Variants in DENND2C observed in about 807,000 individuals in gnomAD.
The protein encoded by DENND2C is DENN domain containing 2C, also known as DENN domain-containing protein 2C.
A neutral mutation model predicts 112.4 loss-of-function variants in DENND2C; 72 were observed. The observed-to-expected ratio is 0.64, with a 90% CI of 0.53 to 0.78. The LOEUF (loss-of-function observed/expected upper bound fraction) is 0.78. DENND2C is among the 30% of genes least tolerant of loss of function. The pLI, the probability that DENND2C is intolerant of heterozygous loss-of-function variation, is 0.00. For synonymous variants in DENND2C, 329 were observed against 381.6 expected, an observed-to-expected ratio of 0.86 and a Z score of 1.61; for missense variants, 992 against 1,113.8, an observed-to-expected ratio of 0.89 and a Z score of 1.56.
intron 8 of DENND2C, among the ~76,000 whole-genome samples, chr1:114,617,333 T>C (rs537410172): frequency 6.6e-6 from 1 of 152,214 alleles, no homozygotes; most frequent in South Asian, 2.1e-4. Flanking sequence ...TTTTTTGAGA[T>C]GGAGTCTCAC....
chr1:114,632,648 C>G (rs1400532060), intron 3 of DENND2C, among the ~76,000 whole-genome samples: 1 of 152,114 alleles, frequency 6.6e-6, no homozygotes, highest in Admixed American at 6.5e-5. Context: ...AATGTGAGAT[C>G]CCTGTTCAAA....
intron 2 of DENND2C, among the ~76,000 whole-genome samples, chr1:114,645,950 A>G (rs1182348928): frequency 1.3e-5 from 2 of 151,532 alleles, no homozygotes; most frequent in African/African-American, 4.9e-5. Flanking sequence ...TTTTTGAGAC[A>G]GAGTCTCGCT....
chr1:114,636,318 A>G (rs1268333113), intron 3 of DENND2C, among the ~76,000 whole-genome samples: 1 of 152,156 alleles, frequency 6.6e-6, no homozygotes, highest in Non-Finnish European at 1.5e-5. Flanking sequence ...TTCCTTAAGA[A>G]TGGGAAAAAG....
chr1:114,600,680 C>T, intron 14 of DENND2C, 140 bp downstream of exon 14: 1 of 1,181,016 alleles, frequency 8.5e-7, no homozygotes, highest in Admixed American at 3.0e-5. Flanking sequence ...GGATATTTCT[C>T]CAGTGCTTTA....
At chr1:114,648,831 C>G (rs1657069607) in intron 2 of DENND2C, among the ~76,000 whole-genome samples, 1 of 152,136 alleles carries the variant, frequency 6.6e-6, no homozygotes, top group African/African-American at 2.4e-5. Context: ...CTACAAAATG[C>G]CACAGTGTGG....
intron 19 of DENND2C, 25 bp from the exon 20 acceptor site, chr1:114,587,498 GA>G (rs1655070131): frequency 1.2e-6 from 2 of 1,612,260 alleles, no homozygotes; most frequent in Non-Finnish European, 1.7e-6. Context: ...TCATGTTGGT[GA>G]AACTGTGTAA....
Position 114,611,061 on chromosome 1 carries a change from T to C in DENND2C, c.1369+12A>G, listed in dbSNP as rs200735520. 7.5e-5 allele frequency: 121 copies of C among 1,614,014 alleles called. No individual in the cohort carries two copies. The highest frequency in any genetic ancestry group is 9.9e-5 in the Non-Finnish European group (117 of 1,180,014). ...ATCACAACAACGGGAGCAGCCCCAT[T>C]GACTCACTCACTCTTTGGCAGATAC... On this transcript the variant is annotated intron_variant, in intron 9 of 20. Transcript: ENST00000393274.
intron 1 of DENND2C, among the ~76,000 whole-genome samples, chr1:114,663,951 C>CTTTT (rs538184910): frequency 3.8e-5 from 5 of 131,002 alleles, no homozygotes; most frequent in East Asian, 2.2e-4. Flanking sequence ...TACTGCTATT[C>CTTTT]TTTTTTTTTT....
chr1:114,638,233 A>T (rs1488461601), intron 3 of DENND2C, among the ~76,000 whole-genome samples: 3 of 152,182 alleles, frequency 2.0e-5, no homozygotes, highest in Non-Finnish European at 2.9e-5. Flanking sequence ...CTGTAAAAAA[A>T]AATGAACCTC....
intron 17 of DENND2C, 82 bp from the exon 18 acceptor site, chr1:114,594,660 C>A: frequency 8.8e-7 from 1 of 1,139,254 alleles, no homozygotes; most frequent in Non-Finnish European, 1.3e-6. Context: ...GTTATTTCTC[C>A]AAAATTCCAC....
chr1:114,633,439 CAAAAAA>C (rs780884019), intron 3 of DENND2C, among the ~76,000 whole-genome samples: 77 of 49,212 alleles, frequency 1.6e-3, no homozygotes, highest in African/African-American at 5.0e-3. Context: ...GACCCTATCT[CAAAAAA>C]AAAAAAAAAA....
At chr1:114,663,587 C>T (rs943478450) in intron 1 of DENND2C, among the ~76,000 whole-genome samples, 18 of 152,160 alleles carry the variant, frequency 1.2e-4, no homozygotes, top group Middle Eastern at 6.8e-3. Flanking sequence ...TTCAAAGATC[C>T]GTTAAGGTTG....
At position 114,621,986 on chromosome 1, in the gene DENND2C, G is replaced by A. The variant is rs1656178523; in HGVS notation, c.1136C>T (p.Thr379Ile). The A allele has an allele frequency of 1.3e-6, 2 of 1,550,930 alleles. No homozygotes were observed. Among genetic ancestry groups the A allele is most frequent in the Non-Finnish European group, 1.7e-6 (2 of 1,147,046 alleles). ...NSQAYLRSKL[T>I]KDTTLPVTLT... ...AGTGACCGGCAAAGTTGTATCTTTT[G>A]TAAGCTTTGACCGCAAATAAGCCTG... The change falls in exon 7 of 21, where the codon ACA becomes ATA. Residue 379 changes from threonine (T) to isoleucine (I), a missense_variant. Thr to Ile is a moderately conservative substitution (Grantham distance 89). Coordinates refer to ENST00000393274, the MANE Select transcript of DENND2C (RefSeq NM_001256404.2).
Position 114,635,805 on chromosome 1 carries a change from G to A in DENND2C, c.-204-9617C>T, listed in dbSNP as rs36057493. On this transcript the variant is annotated intron_variant, in intron 3 of 20. Transcript: ENST00000393274. ...GCAGATCACTTGAGGTTAGGAGTTC[G>A]AGACCAGCCTAGGGAACATGGTGAA... 1.8e-4 allele frequency among the ~76,000 whole-genome samples: 28 copies of A among 152,094 alleles called. 1 individual carries two copies. The East Asian group carries it at 5.2e-3, about 28-fold the overall frequency.
At chr1:114,652,603 T>A (rs1295890044) in intron 2 of DENND2C, among the ~76,000 whole-genome samples, 7 of 151,462 alleles carry the variant, frequency 4.6e-5, no homozygotes, top group Non-Finnish European at 7.4e-5. Context: ...GTCTCTTATA[T>A]AAAATGGTGT....
At position 114,622,980 on chromosome 1, in the gene DENND2C, G is replaced by T. The variant is rs1180054918; in HGVS notation, c.1056+7C>A. On this transcript the variant is annotated splice_region_variant and intron_variant, in intron 6 of 20. Transcript: ENST00000393274. ...AATGTTTTCTTCAATTCATTATCTG[G>T]TTATACCTTGGGTGCTTTAAAAGCA... 1.3e-6 allele frequency: 2 copies of T among 1,596,382 alleles called. No homozygotes were observed. Among genetic ancestry groups the T allele is most frequent in the Non-Finnish European group, 1.7e-6 (2 of 1,167,874 alleles).
intron 11 of DENND2C, 78 bp from the exon 12 acceptor site, chr1:114,602,272 C>G: frequency 4.1e-6 from 6 of 1,448,734 alleles, no homozygotes; most frequent in Non-Finnish European, 5.7e-6. Flanking sequence ...CAATTGAAAA[C>G]TAGAGTCCAA....
At chr1:114,624,136 G>C (rs965802449) in intron 4 of DENND2C, among the ~76,000 whole-genome samples, 1 of 152,116 alleles carries the variant, frequency 6.6e-6, no homozygotes, top group African/African-American at 2.4e-5. Flanking sequence ...TGTGCCTTAC[G>C]AACACCATGA....
chr1:114,610,754 C>T (rs552691402), intron 9 of DENND2C, among the ~76,000 whole-genome samples: 1 of 152,134 alleles, frequency 6.6e-6, no homozygotes, highest in South Asian at 2.1e-4. Flanking sequence ...TTCACACACT[C>T]TGTTTTGGCT....
Sources: allele counts gnomAD v4.1 joint callset (sites outside exome capture counted in the v4.1 genomes callset), GRCh38; gene constraint gnomAD v4.1.1; transcripts MANE v1.5; gene names NCBI Gene and HGNC (gene_info 2026-07-23, HGNC 2026-07-21).